NDUFAF6: variants seen among roughly 807,000 people sequenced by gnomAD.
The protein encoded by NDUFAF6 is NADH dehydrogenase (ubiquinone) complex I, assembly factor 6.
NDUFAF6 carries 45 observed loss-of-function variants against 40.8 expected under a neutral mutation model. The observed-to-expected ratio is 1.10, with a 90% confidence interval of 0.87 to 1.42. The LOEUF (loss-of-function observed/expected upper bound fraction) is 1.42. NDUFAF6 is among the 40% of genes most tolerant of loss of function. NDUFAF6 has a pLI of 0.00. For synonymous variants in NDUFAF6, 185 were observed against 155.9 expected, an observed-to-expected ratio of 1.19 and a Z score of -1.39; for missense variants, 435 against 418.5, an observed-to-expected ratio of 1.04 and a Z score of -0.34.
At chr8:95,089,476 A>AT (rs58441244) in intron 2 of NDUFAF6, among the ~76,000 whole-genome samples, 10 of 151,382 alleles carry the variant, frequency 6.6e-5, no homozygotes, top group African/African-American at 9.7e-5. Context: ...ATATATATAT[A>AT]AAAGGGAGAG....
At chr8:94,994,160 G>A (rs983742366) in intron 2 of NDUFAF6, among the ~76,000 whole-genome samples, 1 of 152,170 alleles carries the variant, frequency 6.6e-6, no homozygotes, top group Non-Finnish European at 1.5e-5. Context: ...TTGGCCATGA[G>A]GTTTTCTTGA....
intron 1 of NDUFAF6, among the ~76,000 whole-genome samples, chr8:94,941,474 GACC>G (rs1821526143): frequency 6.6e-6 from 1 of 152,170 alleles, no homozygotes; most frequent in South Asian, 2.1e-4. Context: ...AGTGCCTGGT[GACC>G]ACCATTATGC....
intron 1 of NDUFAF6, among the ~76,000 whole-genome samples, chr8:94,899,714 G>C (rs1341842585): frequency 6.6e-6 from 1 of 152,114 alleles, no homozygotes; most frequent in African/African-American, 2.4e-5. Context: ...CTCTGCCTTA[G>C]TTCAGGACAC....
upstream of NDUFAF6, among the ~76,000 whole-genome samples, chr8:95,022,707 A>G (rs1419264442): frequency 2.0e-5 from 3 of 152,160 alleles, no homozygotes; most frequent in Non-Finnish European, 4.4e-5. Context: ...AGGCCTTTTT[A>G]AAGACTGCAA....
At chr8:94,925,899 CAAAA>C (rs200197782) in intron 1 of NDUFAF6, 7 of 52,698 alleles carry the variant, frequency 1.3e-4, no homozygotes, top group Non-Finnish European at 4.3e-4. Context: ...ATCTTTTGGA[CAAAA>C]AAACTAAACA....
chr8:94,931,607 C>CAT (rs1393122525), intron 1 of NDUFAF6, among the ~76,000 whole-genome samples: 1 of 149,604 alleles, frequency 6.7e-6, no homozygotes, highest in African/African-American at 2.5e-5. Context: ...CACACACACA[C>CAT]ACATAAAATT....
chr8:94,946,077 C>G (rs1298754545), intron 2 of NDUFAF6, among the ~76,000 whole-genome samples: 1 of 150,186 alleles, frequency 6.7e-6, no homozygotes, highest in African/African-American at 2.4e-5. Context: ...CTTGTTCCCA[C>G]CACTTAACAC....
chr8:94,933,990 T>C (rs1309397535), intron 1 of NDUFAF6, among the ~76,000 whole-genome samples: 2 of 151,686 alleles, frequency 1.3e-5, no homozygotes, highest in African/African-American at 2.4e-5. Context: ...GGCAGGAGAA[T>C]TGCTTGAACC....
intron 1 of NDUFAF6, chr8:94,939,723 G>GT: frequency 8.1e-7 from 1 of 1,235,438 alleles, no homozygotes; most frequent in Non-Finnish European, 1.1e-6. Flanking sequence ...GGACCATCTT[G>GT]TGTACTATGC....
At chr8:94,918,075 G>T (rs1435626030) in intron 1 of NDUFAF6, among the ~76,000 whole-genome samples, 3 of 152,072 alleles carry the variant, frequency 2.0e-5, no homozygotes, top group Non-Finnish European at 4.4e-5. Context: ...CTGGATTTTT[G>T]GGTAAATATT....
At chr8:95,084,767 G>A (rs1407420047) in intron 2 of NDUFAF6, among the ~76,000 whole-genome samples, 2 of 152,186 alleles carry the variant, frequency 1.3e-5, no homozygotes, top group African/African-American at 2.4e-5. Flanking sequence ...GGAGGTTCCT[G>A]TCTGTACCAA....
At chr8:95,017,127 A>C (rs1163471109) in intron 2 of NDUFAF6, among the ~76,000 whole-genome samples, 3 of 132,364 alleles carry the variant, frequency 2.3e-5, no homozygotes, top group Non-Finnish European at 4.7e-5. Context: ...TTTTTTGGGG[A>C]CATGGGGTTT....
At chr8:94,909,706 A>G (rs569808795) in intron 1 of NDUFAF6, among the ~76,000 whole-genome samples, 1 of 151,910 alleles carries the variant, frequency 6.6e-6, no homozygotes, top group East Asian at 1.9e-4. Context: ...TGGGTGGGTC[A>G]CTTCGCCCAG....
downstream of NDUFAF6, among the ~76,000 whole-genome samples, chr8:95,060,253 TG>T (rs1035493113): frequency 6.6e-6 from 1 of 152,232 alleles, no homozygotes; most frequent in Non-Finnish European, 1.5e-5. Context: ...CCTTAGATGA[TG>T]CTGGCATTCT....
chr8:95,003,138 G>C (rs1826811044), intron 2 of NDUFAF6, among the ~76,000 whole-genome samples: 1 of 152,184 alleles, frequency 6.6e-6, no homozygotes, highest in Non-Finnish European at 1.5e-5. Flanking sequence ...AGCCATAGCA[G>C]ATCCACAATG....
intron 1 of NDUFAF6, chr8:94,940,214 C>G (rs1172380210): frequency 6.2e-7 from 1 of 1,607,584 alleles, no homozygotes; most frequent in African/African-American, 1.3e-5. Context: ...GAAACCAGTG[C>G]AAGTATCTAG....
chr8:94,949,584 G>C (rs1822382827), intron 2 of NDUFAF6, among the ~76,000 whole-genome samples: 1 of 152,008 alleles, frequency 6.6e-6, no homozygotes, highest in Non-Finnish European at 1.5e-5. Flanking sequence ...GAGCGTGAAG[G>C]CCTGGGCGAG....
chr8:95,032,190 T>A, intron 2 of NDUFAF6, 96 bp downstream of exon 2: 2 of 1,068,630 alleles, frequency 1.9e-6, no homozygotes, highest in Admixed American at 3.7e-5. Context: ...ATTTATATGT[T>A]AGATGTGTTT....
chr8:95,018,685 T>C (rs1463137910), intron 2 of NDUFAF6, among the ~76,000 whole-genome samples: 1 of 152,134 alleles, frequency 6.6e-6, no homozygotes, highest in Non-Finnish European at 1.5e-5. Flanking sequence ...ATTGAACTGA[T>C]TGAACTGATC....
Sources: allele counts gnomAD v4.1 joint callset (sites outside exome capture counted in the v4.1 genomes callset), GRCh38; gene constraint gnomAD v4.1.1; transcripts MANE v1.5; gene names NCBI Gene and HGNC (gene_info 2026-07-23, HGNC 2026-07-21).